The following STAU2 variants were observed in gnomAD, a reference collection of about 807,000 sequenced individuals.
STAU2 encodes the protein double-stranded RNA-binding protein Staufen homolog 2.
STAU2 carries 20 observed loss-of-function variants against 65.9 expected under a neutral mutation model. The ratio of observed to expected loss-of-function variants is 0.30; its 90% CI spans 0.21 to 0.44. STAU2 has a LOEUF of 0.44. Ranked by LOEUF, STAU2 falls within the 20% of genes least tolerant of loss-of-function variation. The probability of loss-of-function intolerance (pLI) is 1.00; values close to 1 mark genes in which losing one functional copy is unlikely to be tolerated. For synonymous variants in STAU2, 232 were observed against 233.9 expected (o/e 0.99, Z 0.07); for missense variants, 558 against 683.9 (o/e 0.82, Z 2.05).
intron 5 of STAU2, among the ~76,000 whole-genome samples, chr8:73,687,582 G>T: frequency 6.8e-6 from 1 of 146,520 alleles, no homozygotes; most frequent in African/African-American, 2.5e-5. Flanking sequence ...TTTTTTGCAG[G>T]GGTAGAAACA....
At chr8:73,545,769 T>TC (rs1228472902) in intron 13 of STAU2, among the ~76,000 whole-genome samples, 1 of 151,786 alleles carries the variant, frequency 6.6e-6, no homozygotes, top group Non-Finnish European at 1.5e-5. Context: ...TGCCTCAGCC[T>TC]CCCTAGTAGC....
intron 13 of STAU2, among the ~76,000 whole-genome samples, chr8:73,544,895 T>C (rs1806797069): frequency 6.6e-6 from 1 of 152,210 alleles, no homozygotes; most frequent in Non-Finnish European, 1.5e-5. Flanking sequence ...CTTCTGCATA[T>C]TGATTTTATT....
chr8:73,655,639 C>CTT lies in STAU2; in HGVS notation c.410+17466_410+17467dup, dbSNP rs71269930. ...AACAAATATTATAATTTTAATACAT[C>CTT]TTTTTTTTTTTTTTTTTTTTTTTTT... On this transcript the variant is annotated intron_variant, in intron 6 of 14. Transcript: ENST00000524300. Among the ~76,000 whole-genome samples the CTT allele has an allele frequency of 3.8e-3, 398 of 104,794 alleles. 27 individuals are homozygous for CTT. Among genetic ancestry groups the CTT allele is most frequent in the African/African-American group, 9.7e-3 (246 of 25,274 alleles). The allele number at this position is 104,794 out of a possible 152,430, so 68.7% of individuals were successfully genotyped here. A position where few individuals can be genotyped will look rare whatever the true frequency, so the allele number is the denominator to read the frequency against.
chr8:73,545,341 T>C (rs928874201), intron 13 of STAU2, among the ~76,000 whole-genome samples: 26 of 152,232 alleles, frequency 1.7e-4, no homozygotes, highest in South Asian at 4.1e-4. Flanking sequence ...TCATCCAGCC[T>C]GTACTTTTCT....
intron 13 of STAU2, among the ~76,000 whole-genome samples, chr8:73,424,201 C>CTTTTT (rs59063960): frequency 0.034 from 3,864 of 115,174 alleles, 252 homozygotes; most frequent in African/African-American, 0.1. Flanking sequence ...TCCTCTATGT[C>CTTTTT]TTTTTTTTTT....
intron 6 of STAU2, chr8:73,652,350 G>T (rs1351042185): frequency 6.6e-6 from 1 of 152,080 alleles, no homozygotes; most frequent in South Asian, 2.1e-4. Flanking sequence ...ACTAAACCAT[G>T]CACAAATGAA....
intron 13 of STAU2, among the ~76,000 whole-genome samples, chr8:73,497,202 T>C (rs908159113): frequency 1.3e-5 from 2 of 151,730 alleles, no homozygotes. Context: ...CTTAAGTCTA[T>C]TAAATAATTG....
chr8:73,587,916 A>G (rs1456005116), intron 11 of STAU2, among the ~76,000 whole-genome samples: 1 of 152,154 alleles, frequency 6.6e-6, no homozygotes, highest in Non-Finnish European at 1.5e-5. Flanking sequence ...GCCTTTTTAT[A>G]TATGTATTAT....
intron 13 of STAU2, among the ~76,000 whole-genome samples, chr8:73,518,919 G>A (rs1306246827): frequency 6.6e-6 from 1 of 152,028 alleles, no homozygotes; most frequent in Non-Finnish European, 1.5e-5. Flanking sequence ...TCGGAGGGAG[G>A]ACCATTTTGA....
At chr8:73,687,507 A>G (rs1417288969) in intron 5 of STAU2, among the ~76,000 whole-genome samples, 1 of 142,268 alleles carries the variant, frequency 7.0e-6, no homozygotes, top group Non-Finnish European at 1.5e-5. Flanking sequence ...ATAGTTTTTT[A>G]TATATATAAC....
intron 12 of STAU2, among the ~76,000 whole-genome samples, chr8:73,563,070 T>G (rs1029891763): frequency 3.9e-5 from 6 of 152,182 alleles, no homozygotes; most frequent in Non-Finnish European, 8.8e-5. Flanking sequence ...AAATAAAATT[T>G]AGACAAAACA....
chr8:73,743,078 T>TAC (rs1554574482), intron 1 of STAU2, among the ~76,000 whole-genome samples: 2 of 152,202 alleles, frequency 1.3e-5, no homozygotes, highest in Non-Finnish European at 2.9e-5. Flanking sequence ...AAAAAAGATA[T>TAC]ACGGTCCTTT....
intron 13 of STAU2, chr8:73,551,385 G>C (rs774911635): frequency 2.0e-6 from 2 of 986,898 alleles, no homozygotes; most frequent in African/African-American, 3.5e-5. Context: ...TCTGAGGCAG[G>C]TGCTACCCTC....
chr8:73,530,422 C>G (rs1159479407), intron 13 of STAU2, among the ~76,000 whole-genome samples: 1 of 152,070 alleles, frequency 6.6e-6, no homozygotes, highest in Non-Finnish European at 1.5e-5. Flanking sequence ...CACAAAGGAA[C>G]AAAGGATGGG....
At chr8:73,645,327 T>A (rs1329146113) in intron 6 of STAU2, among the ~76,000 whole-genome samples, 7 of 152,082 alleles carry the variant, frequency 4.6e-5, no homozygotes, top group African/African-American at 1.7e-4. Flanking sequence ...CATTAACAGG[T>A]CAAAAATGAG....
chr8:73,479,412 C>T (rs1428938713), intron 13 of STAU2, among the ~76,000 whole-genome samples: 2 of 150,658 alleles, frequency 1.3e-5, no homozygotes, highest in Non-Finnish European at 2.9e-5. Context: ...CGGCATGAGA[C>T]TGGGATTCCT....
chr8:73,701,734 A>G (rs1458635449), intron 4 of STAU2, among the ~76,000 whole-genome samples: 2 of 152,196 alleles, frequency 1.3e-5, no homozygotes, highest in African/African-American at 2.4e-5. Flanking sequence ...TGCTGGGTAT[A>G]TTCCCAAAAG....
chr8:73,614,819 C>T (rs951396844), intron 8 of STAU2, among the ~76,000 whole-genome samples: 1 of 152,154 alleles, frequency 6.6e-6, no homozygotes, highest in Non-Finnish European at 1.5e-5. Context: ...TTTTCCGTAT[C>T]ATTTCTTGCT....
intron 13 of STAU2, among the ~76,000 whole-genome samples, chr8:73,448,965 G>A (rs1457921748): frequency 6.6e-6 from 1 of 152,232 alleles, no homozygotes; most frequent in Non-Finnish European, 1.5e-5. Context: ...AGCCCGGCTG[G>A]GGCTGGGAAG....
Sources: gnomAD v4.1 joint callset for allele counts (sites outside exome capture counted in the v4.1 genomes callset) on GRCh38, gnomAD v4.1.1 for gene constraint, MANE v1.5 for transcripts, NCBI Gene and HGNC (gene_info 2026-07-23, HGNC 2026-07-21) for gene names.